LAPTM4B: variants seen among roughly 807,000 people sequenced by gnomAD.
LAPTM4B encodes lysosomal-associated transmembrane protein 4B.
A neutral mutation model predicts 28.5 loss-of-function variants in LAPTM4B; 26 were observed. The ratio of observed to expected loss-of-function variants is 0.91; its 90% CI spans 0.67 to 1.27. The LOEUF is 1.27. Ranked by LOEUF, LAPTM4B falls within the 50% of genes most tolerant of loss-of-function variation. The pLI is 0.00. For missense variants in LAPTM4B, 288 were observed against 285.8 expected, an observed-to-expected ratio of 1.01 and a Z score of -0.06; for synonymous variants, 109 against 106.4, an observed-to-expected ratio of 1.02 and a Z score of -0.15.
At chr8:97,779,201 C>T (rs1181217918) in intron 1 of LAPTM4B, among the ~76,000 whole-genome samples, 1 of 152,004 alleles carries the variant, frequency 6.6e-6, no homozygotes, top group Non-Finnish European at 1.5e-5. Flanking sequence ...TTAACAGAGG[C>T]CAAGTGCGGT....
chr8:97,828,593 G>A (rs1230674731), intron 6 of LAPTM4B, among the ~76,000 whole-genome samples: 2 of 152,130 alleles, frequency 1.3e-5, no homozygotes, highest in Non-Finnish European at 2.9e-5. Context: ...TCGTATACAA[G>A]GCCTGATTGA....
At chr8:97,781,066 C>T (rs1342233828) in intron 1 of LAPTM4B, among the ~76,000 whole-genome samples, 3 of 151,516 alleles carry the variant, frequency 2.0e-5, no homozygotes, top group African/African-American at 4.9e-5. Context: ...CTCGGCTCAC[C>T]ACAACCTCCG....
At chr8:97,823,232 G>A (rs995756207) in intron 5 of LAPTM4B, among the ~76,000 whole-genome samples, 12 of 152,284 alleles carry the variant, frequency 7.9e-5, no homozygotes, top group African/African-American at 2.9e-4. Flanking sequence ...ACAGCAGGTC[G>A]AGGTTTTTCC....
chr8:97,816,249 G>T, intron 4 of LAPTM4B, 69 bp downstream of exon 4: 1 of 1,433,508 alleles, frequency 7.0e-7, no homozygotes, highest in Non-Finnish European at 9.5e-7. Context: ...AGTAAGGGAT[G>T]TGTAGAGATA....
chr8:97,835,634 C>T (rs1817247259), intron 6 of LAPTM4B, among the ~76,000 whole-genome samples: 1 of 152,172 alleles, frequency 6.6e-6, no homozygotes, highest in Non-Finnish European at 1.5e-5. Context: ...GCACATTTTC[C>T]TTGAAAATTT....
intron 6 of LAPTM4B, among the ~76,000 whole-genome samples, chr8:97,844,641 C>G (rs1357067725): frequency 6.6e-6 from 1 of 152,192 alleles, no homozygotes; most frequent in African/African-American, 2.4e-5. Context: ...CTTCAAACAG[C>G]ATGGTACTCC....
chr8:97,827,758 T>C (rs1160501517), intron 6 of LAPTM4B, among the ~76,000 whole-genome samples: 1 of 151,904 alleles, frequency 6.6e-6, no homozygotes, highest in Non-Finnish European at 1.5e-5. Flanking sequence ...GCGGGCTGAG[T>C]CCGAAAAAGA....
At chr8:97,820,386 C>T (rs1816986226) in intron 5 of LAPTM4B, among the ~76,000 whole-genome samples, 1 of 144,926 alleles carries the variant, frequency 6.9e-6, no homozygotes, top group African/African-American at 2.5e-5. Context: ...TTTGGGATTA[C>T]AGGTGTGAAC....
intron 6 of LAPTM4B, among the ~76,000 whole-genome samples, chr8:97,834,721 C>T (rs185518378): frequency 1.3e-5 from 2 of 152,236 alleles, no homozygotes; most frequent in East Asian, 3.9e-4. Context: ...ACTGAGACCA[C>T]CCTAGTAGTC....
At chr8:97,800,346 T>G (rs1181237517) in intron 1 of LAPTM4B, among the ~76,000 whole-genome samples, 1 of 152,146 alleles carries the variant, frequency 6.6e-6, no homozygotes, top group East Asian at 1.9e-4. Context: ...TGGTTCTTGT[T>G]AAGATGTGAA....
intron 1 of LAPTM4B, among the ~76,000 whole-genome samples, 175 bp downstream of exon 1, chr8:97,776,283 C>G (rs1816213531): frequency 6.6e-6 from 1 of 152,218 alleles, no homozygotes; most frequent in Non-Finnish European, 1.5e-5. Flanking sequence ...CCAGCGCCGA[C>G]TGGGGGAGGC....
At chr8:97,851,343 G>A in intron 6 of LAPTM4B, 54 bp from the exon 7 acceptor site, 6 of 1,389,404 alleles carry the variant, frequency 4.3e-6, no homozygotes, top group South Asian at 1.2e-5. Flanking sequence ...CTAAACCTCG[G>A]GGAACGTGTG....
chr8:97,837,618 A>G (rs115851935), intron 6 of LAPTM4B, among the ~76,000 whole-genome samples: 2,556 of 152,228 alleles, frequency 0.017, 58 homozygotes, highest in African/African-American at 0.056. Context: ...GCCTAAGCGT[A>G]GTTACTAGGT....
At chr8:97,778,152 A>G (rs990730722) in intron 1 of LAPTM4B, among the ~76,000 whole-genome samples, 1 of 152,338 alleles carries the variant, frequency 6.6e-6, no homozygotes, top group Admixed American at 6.5e-5. Flanking sequence ...TTGGAAATAA[A>G]TGGCCTTTTG....
At position 97,790,437 on chromosome 8, in the gene LAPTM4B, G is replaced by A. The variant is rs188700070; in HGVS notation, c.99+14329G>A. On this transcript the variant is annotated intron_variant, in intron 1 of 6. Coordinates refer to ENST00000521545, the MANE Select transcript of LAPTM4B (RefSeq NM_018407.6). ...AGCAATTCTCCTGCCTCAGCTTCCT[G>A]AGTAGCTGGGACTAAAGGCACATAC... 4.0e-5 allele frequency among the ~76,000 whole-genome samples: 6 copies of A among 151,542 alleles called. No individual in the cohort carries two copies. In the East Asian group the frequency reaches 1.2e-3, roughly 30 times the overall value.
intron 1 of LAPTM4B, among the ~76,000 whole-genome samples, chr8:97,794,934 A>C (rs1586323578): frequency 1.3e-5 from 2 of 151,396 alleles, no homozygotes. Context: ...TTGGTCTCAA[A>C]CTCCTGACCT....
intron 6 of LAPTM4B, 73 bp downstream of exon 6, chr8:97,825,226 G>A (rs113904412): frequency 1.2e-5 from 9 of 777,480 alleles, no homozygotes; most frequent in Middle Eastern, 4.7e-4. Flanking sequence ...AGTGTTTCTA[G>A]TGTTTGCTAC....
intron 1 of LAPTM4B, among the ~76,000 whole-genome samples, chr8:97,776,985 A>C (rs1816229919): frequency 6.6e-6 from 1 of 152,042 alleles, no homozygotes; most frequent in African/African-American, 2.4e-5. Flanking sequence ...CCTAGACTGC[A>C]CCAGCACTGA....
intron 1 of LAPTM4B, among the ~76,000 whole-genome samples, chr8:97,778,241 T>TTA (rs1305369236): frequency 6.6e-6 from 1 of 152,216 alleles, no homozygotes; most frequent in Non-Finnish European, 1.5e-5. Flanking sequence ...GAAACCTGGC[T>TTA]TAAGTACTGG....
Sources: gnomAD v4.1 joint callset for allele counts (sites outside exome capture counted in the v4.1 genomes callset) on GRCh38, gnomAD v4.1.1 for gene constraint, MANE v1.5 for transcripts, NCBI Gene and HGNC (gene_info 2026-07-23, HGNC 2026-07-21) for gene names.